The following TRIO variants were observed in gnomAD, a reference collection of about 807,000 sequenced individuals.
TRIO encodes the protein trio Rho guanine nucleotide exchange factor, also known as triple functional domain protein.
In TRIO, 58 loss-of-function variants were observed where a neutral mutation model predicts 351.9. The observed-to-expected ratio is 0.16, with a 90% CI of 0.13 to 0.21. The LOEUF (loss-of-function observed/expected upper bound fraction) is 0.21, where lower values mean the gene tolerates loss of function less well. Among genes scored for constraint, TRIO ranks in the 10% least tolerant of loss-of-function variants. TRIO has a pLI of 1.00. For missense variants in TRIO, 3,201 were observed against 4,027.8 expected, an observed-to-expected ratio of 0.79 and a Z score of 5.56; for synonymous variants, 1,758 against 1,595.7, an observed-to-expected ratio of 1.10 and a Z score of -2.42.
chr5:14,448,236 G>GA (rs1752582727), intron 34 of TRIO, among the ~76,000 whole-genome samples: 1 of 152,232 alleles, frequency 6.6e-6, no homozygotes, highest in Non-Finnish European at 1.5e-5. Context: ...AGAAACATCT[G>GA]AAAAAGCCAC....
intron 49 of TRIO, 65 bp from the exon 50 acceptor site, chr5:14,496,814 C>T: frequency 1.3e-6 from 2 of 1,587,286 alleles, no homozygotes; most frequent in Admixed American, 1.7e-5. Context: ...TTCTTTAACG[C>T]TTCCAGGCAG....
At chr5:14,242,947 G>A (rs938375154) in intron 1 of TRIO, among the ~76,000 whole-genome samples, 3 of 152,214 alleles carry the variant, frequency 2.0e-5, no homozygotes, top group Admixed American at 6.5e-5. Flanking sequence ...AATTGCAGGT[G>A]AGCTTTGGGA....
intron 34 of TRIO, among the ~76,000 whole-genome samples, chr5:14,455,920 G>C (rs943283509): frequency 5.9e-5 from 9 of 152,248 alleles, no homozygotes; most frequent in African/African-American, 2.2e-4. Context: ...GGCAGTCGAT[G>C]GGACCGGGCG....
Position 14,286,887 on chromosome 5 carries a change from C to T in TRIO, c.364C>T (p.Arg122Cys), listed in dbSNP as rs1190465839. 4 of 1,613,230 alleles carry T rather than the reference C, an allele frequency of 2.5e-6. No homozygotes were observed. Among genetic ancestry groups the T allele is most frequent in the Middle Eastern group, 1.7e-4 (1 of 5,974 alleles). Reference protein sequence around the residue: ...ACIPSEEVCKRGFTVIVDMRG... With the variant: ...ACIPSEEVCKCGFTVIVDMRG... ...TCTCTGCAGCGAGGAGGTCTGCAAG[C>T]GTGGCTTCACGGTGATCGTGGACAT... The change falls in exon 4 of 57, where the codon CGT (arginine) becomes TGT (cysteine). Residue 122 changes from arginine (R) to cysteine (C), a missense_variant. Physicochemically the swap from Arg to Cys is radical, Grantham distance 180. This residue lies in a region of TRIO where 11 missense variants were observed against 36.8 expected (regional missense o/e 0.30). Coordinates refer to ENST00000344204, the MANE Select transcript of TRIO (RefSeq NM_007118.4). This position sits in a 1 kb window ranked among gnomAD's most constrained non-coding sequence, Gnocchi z 4.4.
intron 1 of TRIO, among the ~76,000 whole-genome samples, chr5:14,209,184 G>C (rs902027463): frequency 6.6e-6 from 1 of 152,114 alleles, no homozygotes; most frequent in African/African-American, 2.4e-5. Flanking sequence ...CCATTCTCAT[G>C]TTATGACCAT....
At chr5:14,320,512 C>A (rs931019616) in intron 9 of TRIO, among the ~76,000 whole-genome samples, 1 of 152,144 alleles carries the variant, frequency 6.6e-6, no homozygotes, top group Non-Finnish European at 1.5e-5. Flanking sequence ...TCCCCCACAG[C>A]CCTTCATGTG....
At chr5:14,350,499 C>G (rs1742970432) in intron 11 of TRIO, among the ~76,000 whole-genome samples, 1 of 152,084 alleles carries the variant, frequency 6.6e-6, no homozygotes, top group South Asian at 2.1e-4. Context: ...GAGCTTTGGC[C>G]CCAGGTTAGT....
chr5:14,156,345 A>C (rs1788101739), intron 1 of TRIO, among the ~76,000 whole-genome samples: 1 of 152,204 alleles, frequency 6.6e-6, no homozygotes. Context: ...TCTAGGCACT[A>C]AGCGTGCTCA....
chr5:14,388,969 G>C (rs1401178073), intron 24 of TRIO, among the ~76,000 whole-genome samples: 1 of 152,176 alleles, frequency 6.6e-6, no homozygotes, highest in Non-Finnish European at 1.5e-5. Context: ...AGCAGCTTCA[G>C]AGAAATGTGC....
chr5:14,169,623 G>A (rs1325267824), intron 1 of TRIO, among the ~76,000 whole-genome samples: 1 of 152,180 alleles, frequency 6.6e-6, no homozygotes, highest in Admixed American at 6.5e-5. Flanking sequence ...TGTGTGACAT[G>A]AAGTATAACT....
intron 9 of TRIO, among the ~76,000 whole-genome samples, chr5:14,327,290 A>G (rs1740473496): frequency 6.6e-6 from 1 of 152,046 alleles, no homozygotes; most frequent in African/African-American, 2.4e-5. Context: ...TCAGCCTCCC[A>G]AGTAGCTGGG....
At chr5:14,386,363 G>A (rs953750858) in intron 21 of TRIO, among the ~76,000 whole-genome samples, 54 of 152,282 alleles carry the variant, frequency 3.5e-4, no homozygotes, top group African/African-American at 1.2e-3. Context: ...GGTTATTTGT[G>A]TAGAGTCTGG....
intron 1 of TRIO, among the ~76,000 whole-genome samples, chr5:14,265,655 C>G (rs544682841): frequency 6.6e-6 from 1 of 152,220 alleles, no homozygotes; most frequent in East Asian, 1.9e-4. Context: ...ACCAAGTGAG[C>G]GAGCATTCTG....
Position 14,465,527 on chromosome 5 carries a change from T to A in TRIO, c.5668-18T>A. On this transcript the variant is annotated intron_variant, in intron 36 of 56. Transcript: ENST00000344204. ...GAGCCCTTGCCCCACCCCCTCCTTT[T>A]CTTAATTTCTTCTGTAGGCCTCTTC... 6.2e-7 allele frequency: 1 copy of A among 1,613,980 alleles called. No individual in the cohort carries two copies. Among genetic ancestry groups the A allele is most frequent in the African/African-American group, 1.3e-5 (1 of 75,038 alleles).
intron 9 of TRIO, among the ~76,000 whole-genome samples, chr5:14,317,342 T>C (rs1389268016): frequency 6.6e-6 from 1 of 152,210 alleles, no homozygotes; most frequent in Non-Finnish European, 1.5e-5. Flanking sequence ...GAGTAAAATA[T>C]GACATAGCTT....
At chr5:14,304,011 G>A (rs1394897722) in intron 7 of TRIO, among the ~76,000 whole-genome samples, 1 of 152,186 alleles carries the variant, frequency 6.6e-6, no homozygotes, top group African/African-American at 2.4e-5. Context: ...AAAGGAGTAA[G>A]GCTGACGTGT....
In TRIO at chr5:14,170,008, GGGGAGA is replaced by G. The variant is rs530753082; in HGVS notation, c.157+26143_157+26148del. On this transcript the variant is annotated intron_variant, in intron 1 of 56. Transcript: ENST00000344204. ...GATTTAATGGAAAGCCAATGAAATT[GGGGAGA>G]GGGAGAGGGAGAGGGAAAAGGTGAA... Among the ~76,000 whole-genome samples, 217 of 152,280 alleles carry G rather than the reference GGGGAGA, an allele frequency of 1.4e-3. 2 individuals carry two copies. Among genetic ancestry groups the G allele is most frequent in the Middle Eastern group, 0.01 (3 of 294 alleles).
In TRIO at chr5:14,352,240, T is replaced by C. The variant is rs2152331922; in HGVS notation, c.2047-5938T>C. ...AGATCCCCTGGGCACCTCTCAGCAC[T>C]AGAGATGGCCAGCAATAGCTCTGAT... On this transcript the variant is annotated intron_variant, in intron 11 of 56. Transcript: ENST00000344204. 1.3e-5 allele frequency among the ~76,000 whole-genome samples: 2 copies of C among 152,294 alleles called. 1 individual carries two copies. The highest frequency in any genetic ancestry group is 4.1e-4 in the South Asian group (2 of 4,828).
At chr5:14,409,355 C>G (rs1748987688) in intron 33 of TRIO, among the ~76,000 whole-genome samples, 1 of 148,472 alleles carries the variant, frequency 6.7e-6, no homozygotes, top group Non-Finnish European at 1.5e-5. Context: ...GAATAAATCA[C>G]TACCAGAACA....
Sources: gnomAD v4.1 joint callset for allele counts (sites outside exome capture counted in the v4.1 genomes callset) on GRCh38, gnomAD v4.1.1 for gene constraint, gnomAD v4.1.1 regional missense constraint, Gnocchi (gnomAD v3.1) non-coding constraint, MANE v1.5 for transcripts, NCBI Gene and HGNC (gene_info 2026-07-23, HGNC 2026-07-21) for gene names.